Variants in SCGN observed in about 807,000 individuals in gnomAD.
The protein encoded by SCGN is secretagogin.
Under a neutral mutation model 39.7 loss-of-function variants are expected in SCGN, and 30 were observed. That is an observed-to-expected ratio of 0.76 (90% CI 0.57 to 1.03). SCGN has a LOEUF of 1.03. SCGN is among the 50% of genes least tolerant of loss of function. The pLI is 0.00. For missense variants in SCGN, 353 were observed against 349.4 expected, an observed-to-expected ratio of 1.01 and a Z score of -0.08; for synonymous variants, 106 against 114.1, an observed-to-expected ratio of 0.93 and a Z score of 0.45.
intron 7 of SCGN, among the ~76,000 whole-genome samples, chr6:25,683,333 T>C (rs1326128350): frequency 6.6e-6 from 1 of 152,156 alleles, no homozygotes; most frequent in Non-Finnish European, 1.5e-5. Flanking sequence ...GATGACAATC[T>C]AGATGAAAAC....
intron 10 of SCGN, among the ~76,000 whole-genome samples, chr6:25,691,511 T>C (rs1030695022): frequency 1.3e-5 from 2 of 152,156 alleles, no homozygotes; most frequent in East Asian, 3.8e-4. Context: ...TCTTCAGAAT[T>C]CTATTTTTTT....
intron 10 of SCGN, among the ~76,000 whole-genome samples, chr6:25,699,522 G>A (rs1293690600): frequency 4.7e-5 from 7 of 150,420 alleles, no homozygotes; most frequent in East Asian, 3.9e-4. Context: ...CCTGGGAGGC[G>A]GAGGTTGCAA....
intron 6 of SCGN, among the ~76,000 whole-genome samples, chr6:25,679,552 C>T (rs1256300908): frequency 6.6e-6 from 1 of 152,052 alleles, no homozygotes; most frequent in African/African-American, 2.4e-5. Flanking sequence ...GGCACTTGCT[C>T]ATGGAGCTCA....
intron 5 of SCGN, 37 bp from the exon 6 acceptor site, chr6:25,669,962 C>G: frequency 6.6e-7 from 1 of 1,524,472 alleles, no homozygotes; most frequent in Non-Finnish European, 9.1e-7. Context: ...TTTATTTGCT[C>G]ACTATATAAA....
chr6:25,658,032 TTTTTTTTTTTTTTTTTTTTTTTTTTG>T (rs1561759819), intron 2 of SCGN, among the ~76,000 whole-genome samples: 3 of 53,324 alleles, frequency 5.6e-5, no homozygotes, highest in East Asian at 4.1e-4. Flanking sequence ...TTTTTTTTTT[TTTTTTTTTTTTTTTTTTTTTTTTTTG>T]AGAGGGAGTG....
chr6:25,658,812 A>G (rs75834322), intron 2 of SCGN, among the ~76,000 whole-genome samples: 1,971 of 152,316 alleles, frequency 0.013, 29 homozygotes, highest in African/African-American at 0.034. Context: ...AACAAGTGAA[A>G]AAAAAGGAAG....
At position 25,669,872 on chromosome 6, in the gene SCGN, G is replaced by T; in HGVS notation, c.394-127G>T. On this transcript the variant is annotated intron_variant, in intron 5 of 10. Coordinates refer to ENST00000377961, the MANE Select transcript of SCGN (RefSeq NM_006998.4). ...ACAGCCCTCCATTCTTGGATTTATTGCTTGCTAAAAGCATTTTATTTCCTC... is the reference window on the plus strand; with the variant it reads ...ACAGCCCTCCATTCTTGGATTTATTTCTTGCTAAAAGCATTTTATTTCCTC... 7.3e-6 allele frequency: 6 copies of T among 824,596 alleles called. No homozygotes were observed. In the South Asian group the frequency reaches 9.5e-5, roughly 13 times the overall value. 51.1% of individuals were successfully genotyped at this position (824,596 alleles called of 1,614,324 possible).
At chr6:25,652,559 G>T in intron 1 of SCGN, 74 bp downstream of exon 1, 2 of 1,415,158 alleles carry the variant, frequency 1.4e-6, no homozygotes, top group Non-Finnish European at 2.0e-6. Flanking sequence ...AGGACCTGGA[G>T]TTTCCCCTTT....
chr6:25,657,885 G>A (rs1760255952), intron 2 of SCGN, among the ~76,000 whole-genome samples: 1 of 150,322 alleles, frequency 6.7e-6, no homozygotes, highest in Admixed American at 6.6e-5. Flanking sequence ...GACTTGCTCT[G>A]TCTTAGACAA....
At chr6:25,660,938 G>A (rs1381897816) in intron 2 of SCGN, among the ~76,000 whole-genome samples, 1 of 152,146 alleles carries the variant, frequency 6.6e-6, no homozygotes, top group African/African-American at 2.4e-5. Context: ...TTTATTGTTG[G>A]TTACATATGT....
At chr6:25,674,685 T>C (rs1759542722) in intron 6 of SCGN, among the ~76,000 whole-genome samples, 3 of 152,228 alleles carry the variant, frequency 2.0e-5, no homozygotes, top group Non-Finnish European at 4.4e-5. Flanking sequence ...AAAAACTGGC[T>C]GAAGCATGAC....
chr6:25,667,904 T>A (rs556123055), intron 4 of SCGN, among the ~76,000 whole-genome samples: 178 of 152,280 alleles, frequency 1.2e-3, no homozygotes, highest in Non-Finnish European at 1.8e-3. Context: ...ATGCAAAAAA[T>A]TTTTAAAATT....
At chr6:25,697,145 A>C (rs1292655483) in intron 10 of SCGN, among the ~76,000 whole-genome samples, 2 of 152,188 alleles carry the variant, frequency 1.3e-5, no homozygotes, top group Non-Finnish European at 2.9e-5. Context: ...AAGGAACACC[A>C]ATGTAATTTC....
rs372575225 is a variant in SCGN at position 25,661,599 on chromosome 6, G to C, written c.201G>C (p.Met67Ile). 1 of 1,613,530 alleles carries C rather than the reference G, an allele frequency of 6.2e-7. No homozygotes were observed. Among genetic ancestry groups the C allele is most frequent in the Non-Finnish European group, 8.5e-7 (1 of 1,179,726 alleles). ...TGCACAAGGTGAAACAGCAGTTTAT[G>C]ACTACCCAAGATGCCTCTAAAGATG... ...ANLHKVKQQF[M>I]TTQDASKDGR... Residue 67 changes from methionine to isoleucine, a missense_variant, in exon 3 of 11, where the codon ATG (methionine) becomes ATC (isoleucine). Met to Ile is a conservative substitution (Grantham distance 10). Coordinates refer to ENST00000377961, the MANE Select transcript of SCGN (RefSeq NM_006998.4).
chr6:25,688,750 C>A (rs1232128403), intron 7 of SCGN, among the ~76,000 whole-genome samples: 3 of 142,542 alleles, frequency 2.1e-5, no homozygotes, highest in Non-Finnish European at 4.5e-5. Flanking sequence ...TGCAGAGAGG[C>A]GAGATCGCAC....
intron 4 of SCGN, among the ~76,000 whole-genome samples, chr6:25,669,045 A>G (rs1582576744): frequency 6.7e-6 from 1 of 149,876 alleles, no homozygotes; most frequent in Non-Finnish European, 1.5e-5. Context: ...CGGGAGGCGG[A>G]GCTTGCAGTG....
At position 25,652,242 on chromosome 6, in the gene SCGN, C is replaced by T. The variant is rs1173822811; in HGVS notation, c.-162C>T. 7.6e-5 allele frequency: 47 copies of T among 619,836 alleles called. No individual in the cohort carries two copies. In the East Asian group the frequency reaches 1.3e-3, roughly 18 times the overall value. The allele number at this position is 619,836 out of a possible 1,614,324, so 38.4% of individuals were successfully genotyped here. ...TGAGGGCTGAGGGACGGCTCAGCGA[C>T]GCCACGGCCAGCAGCGCTCGCGTCC... On this transcript the variant is annotated 5_prime_UTR_variant, in exon 1 of 11. It adds an upstream start codon to the 5' untranslated region. Coordinates refer to ENST00000377961, the MANE Select transcript of SCGN (RefSeq NM_006998.4).
At chr6:25,693,203 G>C (rs998312562) in intron 10 of SCGN, among the ~76,000 whole-genome samples, 5 of 152,068 alleles carry the variant, frequency 3.3e-5, no homozygotes, top group Non-Finnish European at 7.4e-5. Context: ...TGTAATCCTA[G>C]CACTTTGGGA....
intron 7 of SCGN, among the ~76,000 whole-genome samples, chr6:25,685,665 T>C (rs895538407): frequency 5.3e-5 from 8 of 152,100 alleles, no homozygotes; most frequent in African/African-American, 1.9e-4. Flanking sequence ...ATTATAATTA[T>C]AATTATACAG....
Sources: gnomAD v4.1 joint callset for allele counts (sites outside exome capture counted in the v4.1 genomes callset) on GRCh38, gnomAD v4.1.1 for gene constraint, MANE v1.5 for transcripts, NCBI Gene and HGNC (gene_info 2026-07-23, HGNC 2026-07-21) for gene names.